Variants in CIB4 observed in about 807,000 individuals in gnomAD.
CIB4 encodes the protein calcium and integrin-binding family member 4.
Under a neutral mutation model 25.8 loss-of-function variants are expected in CIB4, and 25 were observed. The observed-to-expected ratio is 0.97, with a 90% CI of 0.71 to 1.35. The LOEUF (loss-of-function observed/expected upper bound fraction) is 1.35. Among genes scored for constraint, CIB4 ranks in the 40% most tolerant of loss-of-function variants. CIB4 has a pLI of 0.00. For missense variants in CIB4, 235 were observed against 228.2 expected, an observed-to-expected ratio of 1.03 and a Z score of -0.19; for synonymous variants, 75 against 81.4, an observed-to-expected ratio of 0.92 and a Z score of 0.42.
chr2:26,601,231 AATATATATATATATATAT>A (rs1165155834), intron 3 of CIB4, among the ~76,000 whole-genome samples: 2 of 17,238 alleles, frequency 1.2e-4, no homozygotes, highest in African/African-American at 3.0e-4. Context: ...AAAAAAAAAA[AATATATATATATATATAT>A]ATATATATAT....
rs377608202 is a variant in CIB4 at position 26,640,687 on chromosome 2, G to T, written c.55-120C>A. 71 of 1,078,474 alleles carry T rather than the reference G, an allele frequency of 6.6e-5. No homozygotes were observed. In the African/African-American group the frequency reaches 1.0e-3, roughly 16 times the overall value. 66.8% of individuals were successfully genotyped at this position (1,078,474 alleles called of 1,614,324 possible). Reference sequence around the variant, plus strand: ...CCCATTCTTTTGCTGCACAGCTGGGGGAACCCCAGGTTGAGGTGGATGCCT... The same window carrying T: ...CCCATTCTTTTGCTGCACAGCTGGGTGAACCCCAGGTTGAGGTGGATGCCT... On this transcript the variant is annotated intron_variant, in intron 1 of 6. Coordinates refer to ENST00000288861, the MANE Select transcript of CIB4 (RefSeq NM_001029881.3).
chr2:26,589,157 TCCCCTTCTC>T (rs1668537550), intron 4 of CIB4, among the ~76,000 whole-genome samples: 1 of 130,784 alleles, frequency 7.6e-6, no homozygotes. Flanking sequence ...CCCTTCCCCT[TCCCCTTCTC>T]CTTCTCCTTC....
At chr2:26,597,725 T>C (rs1158485556) in intron 3 of CIB4, among the ~76,000 whole-genome samples, 1 of 152,164 alleles carries the variant, frequency 6.6e-6, no homozygotes, top group African/African-American at 2.4e-5. Flanking sequence ...AATATATACA[T>C]ATGATGAGTA....
intron 3 of CIB4, among the ~76,000 whole-genome samples, chr2:26,624,668 G>A (rs1228599962): frequency 7.1e-6 from 1 of 141,582 alleles, no homozygotes. Flanking sequence ...GGCATCTCTA[G>A]TCCTGCCTCA....
chr2:26,590,673 G>T (rs1217608480), intron 4 of CIB4, among the ~76,000 whole-genome samples: 3 of 152,014 alleles, frequency 2.0e-5, no homozygotes, highest in Admixed American at 6.5e-5. Context: ...CTCTAATCTT[G>T]CTGACAGCTC....
At chr2:26,639,397 C>A (rs1230426487) in intron 2 of CIB4, among the ~76,000 whole-genome samples, 3 of 148,648 alleles carry the variant, frequency 2.0e-5, no homozygotes, top group African/African-American at 7.4e-5. Context: ...CTCCCTGTGT[C>A]CATGTGTTCT....
intron 3 of CIB4, among the ~76,000 whole-genome samples, chr2:26,615,976 A>C (rs149454828): frequency 6.6e-6 from 1 of 152,212 alleles, no homozygotes; most frequent in Non-Finnish European, 1.5e-5. Flanking sequence ...GACTGGCATC[A>C]GGCGTCGGGA....
chr2:26,625,695 T>C (rs1669291268), intron 3 of CIB4, among the ~76,000 whole-genome samples: 1 of 152,252 alleles, frequency 6.6e-6, no homozygotes, highest in South Asian at 2.1e-4. Flanking sequence ...CACCCGGACT[T>C]GCACAGACAG....
chr2:26,624,302 CG>C (rs2148219947), intron 3 of CIB4, among the ~76,000 whole-genome samples: 1 of 152,314 alleles, frequency 6.6e-6, no homozygotes, highest in South Asian at 2.1e-4. Context: ...CCCGTCCTTG[CG>C]GCCACAGAGG....
intron 3 of CIB4, among the ~76,000 whole-genome samples, chr2:26,628,912 G>T (rs1387037757): frequency 6.6e-6 from 1 of 152,144 alleles, no homozygotes; most frequent in Non-Finnish European, 1.5e-5. Flanking sequence ...AGGGTCACTT[G>T]CCCTAGTTTG....
At chr2:26,632,702 G>A (rs1156262608) in intron 2 of CIB4, among the ~76,000 whole-genome samples, 1 of 151,128 alleles carries the variant, frequency 6.6e-6, no homozygotes, top group Non-Finnish European at 1.5e-5. Context: ...AGCTTCCAGT[G>A]AGCTGAGATT....
intron 3 of CIB4, among the ~76,000 whole-genome samples, chr2:26,622,497 T>C (rs1669225534): frequency 6.6e-6 from 1 of 152,048 alleles, no homozygotes. Context: ...GGAAGAGCTT[T>C]AGCTCTTCTT....
intron 3 of CIB4, among the ~76,000 whole-genome samples, chr2:26,621,173 G>T (rs986832733): frequency 6.6e-6 from 1 of 150,550 alleles, no homozygotes; most frequent in Non-Finnish European, 1.5e-5. Context: ...TCACACACAG[G>T]GGAAAGGACT....
At chr2:26,630,334 TGGA>T (rs1192844261) in intron 2 of CIB4, among the ~76,000 whole-genome samples, 1 of 152,100 alleles carries the variant, frequency 6.6e-6, no homozygotes, top group Non-Finnish European at 1.5e-5. Context: ...AGGCAGCCAG[TGGA>T]GGTGAGACAG....
chr2:26,623,926 T>C lies in CIB4; in HGVS notation c.186+5484A>G, dbSNP rs574498935. Among the ~76,000 whole-genome samples, 35 of 152,296 alleles carry C rather than the reference T, an allele frequency of 2.3e-4. No individual in the cohort carries two copies. In the South Asian group the frequency reaches 6.9e-3, roughly 30 times the overall value. ...GTTTACAGAAAGCAAGATAATTATT[T>C]ACAAGAACAGAAACATTGAGCTAAT... is the stretch of plus-strand genomic sequence containing the variant. On this transcript the variant is annotated intron_variant, in intron 3 of 6. Coordinates refer to ENST00000288861, the MANE Select transcript of CIB4 (RefSeq NM_001029881.3).
intron 3 of CIB4, among the ~76,000 whole-genome samples, chr2:26,596,671 T>G (rs1362940741): frequency 6.6e-6 from 1 of 151,406 alleles, no homozygotes; most frequent in Non-Finnish European, 1.5e-5. Flanking sequence ...CGCTTGAACC[T>G]GGGAGGCAGG....
intron 2 of CIB4, among the ~76,000 whole-genome samples, chr2:26,637,455 C>A (rs2148229038): frequency 6.6e-6 from 1 of 151,622 alleles, no homozygotes; most frequent in South Asian, 2.1e-4. Flanking sequence ...TTTTTTAATT[C>A]CTTTACTCTC....
Position 26,583,912 on chromosome 2 carries a change from G to T in CIB4, c.329-14C>A, listed in dbSNP as rs757037289. The T allele has an allele frequency of 7.2e-6, 11 of 1,534,206 alleles. No homozygotes were observed. The highest frequency in any genetic ancestry group is 1.7e-5 in the Admixed American group (1 of 59,916). The stretch of plus-strand genomic sequence containing the variant: ...TCTCATTAAAATCTGCAAAGAAGAG[G>T]CCAGGCCTGCATTAGACGGAGCTGG... On this transcript the variant is annotated splice_polypyrimidine_tract_variant and intron_variant, in intron 4 of 6. Transcript: ENST00000288861.
chr2:26,591,351 G>A (rs1475201507), intron 4 of CIB4, among the ~76,000 whole-genome samples: 4 of 152,210 alleles, frequency 2.6e-5, no homozygotes, highest in Non-Finnish European at 4.4e-5. Flanking sequence ...TGTGGGGGCC[G>A]GGGAGTCATC....
Sources: allele counts gnomAD v4.1 joint callset (sites outside exome capture counted in the v4.1 genomes callset), GRCh38; gene constraint gnomAD v4.1.1; transcripts MANE v1.5; gene names NCBI Gene and HGNC (gene_info 2026-07-23, HGNC 2026-07-21).